Variants in IQGAP2 observed in about 807,000 individuals in gnomAD.
IQGAP2 encodes the protein IQ motif containing GTPase activating protein 2.
In IQGAP2, 173 loss-of-function variants were observed where a neutral mutation model predicts 201.3. The ratio of observed to expected loss-of-function variants is 0.86; its 90% CI spans 0.76 to 0.98. The LOEUF (loss-of-function observed/expected upper bound fraction) is 0.98. Ranked by LOEUF, IQGAP2 falls within the 50% of genes least tolerant of loss-of-function variation. The pLI is 0.00. For synonymous variants in IQGAP2, 675 were observed against 673.9 expected (o/e 1.00, Z -0.03); for missense variants, 1,687 against 1,864.8 (o/e 0.90, Z 1.76).
In IQGAP2 at chr5:76,697,989, T is replaced by A; in HGVS notation, c.4209T>A (p.Asp1403Glu). ...YQDILNEIAK[D>E]IRNQRIYRKL... ...ATACCCCTTACTTGTTGTTTTAGGA[T>A]ATTCGAAATCAAAGAATCTATCGTA... The change falls in exon 33 of 36, where the codon GAT becomes GAA. Residue 1403 changes from aspartate to glutamate, a missense_variant and splice_region_variant. Transcript: ENST00000274364. 1.9e-6 allele frequency: 3 copies of A among 1,609,912 alleles called. No individual in the cohort carries two copies. Among genetic ancestry groups the A allele is most frequent in the Non-Finnish European group, 2.5e-6 (3 of 1,178,394 alleles).
intron 1 of IQGAP2, among the ~76,000 whole-genome samples, chr5:76,428,927 T>A (rs1415638987): frequency 6.6e-6 from 1 of 151,878 alleles, no homozygotes; most frequent in Non-Finnish European, 1.5e-5. Flanking sequence ...ACCCCACCTC[T>A]GCTAAAAATA....
chr5:76,603,971 T>TA (rs201482458), intron 11 of IQGAP2, among the ~76,000 whole-genome samples: 5 of 152,280 alleles, frequency 3.3e-5, no homozygotes, highest in East Asian at 3.9e-4. Context: ...TGTGTTACTT[T>TA]AAAAAAAATT....
chr5:76,683,138 A>T lies in IQGAP2; in HGVS notation c.3684A>T (p.Ala1228=). 2 of 1,611,530 alleles carry T rather than the reference A, an allele frequency of 1.2e-6. No individual in the cohort carries two copies. Among genetic ancestry groups the T allele is most frequent in the Non-Finnish European group, 1.7e-6 (2 of 1,178,676 alleles). The change falls in exon 29 of 36, where the codon GCA becomes GCT. Residue 1228 remains alanine (A), a synonymous_variant. Transcript: ENST00000274364. ...THSLLLEHQD[A]IAPEKNDLLS... ...AGCTCCTGTTGGAACACCAGGATGC[A>T]ATTGCCCCTGAGAAAAATGACTTAC...
intron 27 of IQGAP2, among the ~76,000 whole-genome samples, chr5:76,676,076 G>GACAC (rs1561581121): frequency 1.2e-5 from 1 of 85,448 alleles, no homozygotes; most frequent in Non-Finnish European, 2.7e-5. Context: ...GTAAGACTCT[G>GACAC]TCACACACAC....
chr5:76,407,885 C>A (rs1004287909), intron 1 of IQGAP2, among the ~76,000 whole-genome samples: 1 of 152,196 alleles, frequency 6.6e-6, no homozygotes, highest in Admixed American at 6.5e-5. Flanking sequence ...AATCCCAGGA[C>A]TTTGGGAAGC....
intron 2 of IQGAP2, chr5:76,510,594 T>A: frequency 2.0e-6 from 1 of 494,168 alleles, no homozygotes; most frequent in East Asian, 6.3e-5. Flanking sequence ...CCAGACAGTG[T>A]GCCATCGATG....
intron 23 of IQGAP2, among the ~76,000 whole-genome samples, chr5:76,670,626 G>A (rs1053897080): frequency 7.2e-5 from 11 of 152,176 alleles, no homozygotes; most frequent in African/African-American, 2.7e-4. Context: ...AGCTCTAAAG[G>A]GGAAGGATGT....
chr5:76,692,600 T>C (rs1471551304), intron 30 of IQGAP2, among the ~76,000 whole-genome samples: 5 of 152,304 alleles, frequency 3.3e-5, no homozygotes, highest in African/African-American at 1.2e-4. Context: ...TGGTGGCCAA[T>C]TGCCATAAAG....
At chr5:76,442,269 A>G (rs761838231) in intron 1 of IQGAP2, among the ~76,000 whole-genome samples, 1 of 152,200 alleles carries the variant, frequency 6.6e-6, no homozygotes, top group Non-Finnish European at 1.5e-5. Context: ...TATCTTTCCA[A>G]TTAAAATGAA....
rs751043946 is a variant in IQGAP2, at chr5:76,618,459, G to A, written c.1521+7276G>A. ...GGAGCTGGTCAGGTACCCCATGGTA[G>A]CATTTTTCACATGGAGATGTGAAGC... On this transcript the variant is annotated intron_variant, in intron 13 of 35. Transcript: ENST00000274364. The A allele has an allele frequency of 3.1e-6, 5 of 1,614,188 alleles. No homozygotes were observed. In the East Asian group the frequency reaches 1.1e-4, roughly 36 times the overall value.
At chr5:76,417,962 A>G (rs909244941) in intron 1 of IQGAP2, among the ~76,000 whole-genome samples, 3 of 151,214 alleles carry the variant, frequency 2.0e-5, no homozygotes, top group Non-Finnish European at 1.5e-5. Context: ...TAATCCCAGC[A>G]CTTTGGGAGG....
At chr5:76,494,580 T>C (rs368616048) in intron 2 of IQGAP2, among the ~76,000 whole-genome samples, 4 of 152,222 alleles carry the variant, frequency 2.6e-5, no homozygotes, top group South Asian at 2.1e-4. Context: ...AAATGCTAAA[T>C]AAAAGCACAT....
chr5:76,608,590 A>C (rs1044673889), intron 12 of IQGAP2, among the ~76,000 whole-genome samples: 1 of 152,194 alleles, frequency 6.6e-6, no homozygotes, highest in Admixed American at 6.5e-5. Flanking sequence ...TATTCTTGCC[A>C]CATGCTCTGA....
At chr5:76,473,068 A>G (rs1334427016) in intron 2 of IQGAP2, among the ~76,000 whole-genome samples, 1 of 152,238 alleles carries the variant, frequency 6.6e-6, no homozygotes, top group Non-Finnish European at 1.5e-5. Context: ...GTCGCAGCCA[A>G]CAGGCGACAG....
intron 28 of IQGAP2, among the ~76,000 whole-genome samples, chr5:76,680,555 CTGACGCT>C (rs987449137): frequency 1.3e-5 from 2 of 151,990 alleles, no homozygotes; most frequent in Non-Finnish European, 2.9e-5. Context: ...GACGTGGTGG[CTGACGCT>C]TGTAATCCTA....
intron 2 of IQGAP2, among the ~76,000 whole-genome samples, chr5:76,516,260 A>G (rs972403683): frequency 6.6e-5 from 10 of 152,234 alleles, no homozygotes; most frequent in Non-Finnish European, 1.2e-4. Flanking sequence ...TAAACTTAAT[A>G]TAAATCTATA....
intron 21 of IQGAP2, among the ~76,000 whole-genome samples, chr5:76,662,935 A>T (rs895275985): frequency 6.6e-6 from 1 of 152,244 alleles, no homozygotes; most frequent in African/African-American, 2.4e-5. Flanking sequence ...CCTCTCTCTG[A>T]ATTGAGAATG....
chr5:76,524,349 G>T (rs1171903039), intron 2 of IQGAP2, among the ~76,000 whole-genome samples: 1 of 152,154 alleles, frequency 6.6e-6, no homozygotes, highest in Admixed American at 6.6e-5. Context: ...AGAATAGCCT[G>T]GTAAAGCCAT....
chr5:76,603,192 C>T (rs1417099949), intron 11 of IQGAP2, among the ~76,000 whole-genome samples: 2 of 152,184 alleles, frequency 1.3e-5, no homozygotes, highest in Non-Finnish European at 2.9e-5. Context: ...GCGTGGTCCT[C>T]TCACCATCAG....
Sources: gnomAD v4.1 joint callset for allele counts (sites outside exome capture counted in the v4.1 genomes callset) on GRCh38, gnomAD v4.1.1 for gene constraint, MANE v1.5 for transcripts, NCBI Gene and HGNC (gene_info 2026-07-23, HGNC 2026-07-21) for gene names.